CFAP95: variants seen among roughly 807,000 people sequenced by gnomAD.
The protein encoded by CFAP95 is cilia and flagella associated protein 95, also known as cilia- and flagella-associated protein 95.
the CFAP95 span, among the ~76,000 whole-genome samples, chr9:69,891,384 G>A: frequency 0.38 from 57,781 of 151,860 alleles, 11,731 homozygotes; most frequent in Middle Eastern, 0.65. Context: ...GACTTTCCTG[G>A]GCCCTAAGCA....
At chr9:69,843,517 TCCTCCTCCTCC>T in the CFAP95 span, among the ~76,000 whole-genome samples, 9 of 2,454 alleles carry the variant, frequency 3.7e-3, no homozygotes, top group Non-Finnish European at 5.4e-3. Flanking sequence ...CTCCTCCTCC[TCCTCCTCCTCC>T]TCCTCCTCCT....
chr9:69,847,845 A>G, the CFAP95 span, among the ~76,000 whole-genome samples: 1 of 152,208 alleles, frequency 6.6e-6, no homozygotes, highest in African/African-American at 2.4e-5. Flanking sequence ...TAATATGAGC[A>G]TCATTTATTT....
chr9:69,901,886 T>C, the CFAP95 span, among the ~76,000 whole-genome samples: 72,916 of 152,026 alleles, frequency 0.48, 19,857 homozygotes, highest in Non-Finnish European at 0.61. Context: ...CCATTCTAAC[T>C]GGTGTGAGAT....
At chr9:69,856,850 G>A in the CFAP95 span, among the ~76,000 whole-genome samples, 167 of 150,376 alleles carry the variant, frequency 1.1e-3, no homozygotes, top group African/African-American at 3.5e-3. Flanking sequence ...GTTTCTTTTC[G>A]TCAATTGTTT....
the CFAP95 span, among the ~76,000 whole-genome samples, chr9:69,879,939 A>G: frequency 1.3e-5 from 2 of 152,060 alleles, no homozygotes; most frequent in Non-Finnish European, 2.9e-5. Flanking sequence ...GGTCTCTCAC[A>G]TCACACTGTA....
At chr9:69,835,908 C>A in the CFAP95 span, among the ~76,000 whole-genome samples, 1 of 152,144 alleles carries the variant, frequency 6.6e-6, no homozygotes, top group East Asian at 1.9e-4. Flanking sequence ...AAGAAGAATC[C>A]TACGACCTAA....
the CFAP95 span, among the ~76,000 whole-genome samples, chr9:69,895,367 C>CTGTGTG: frequency 1.0e-3 from 116 of 111,276 alleles, no homozygotes; most frequent in South Asian, 2.6e-3. Flanking sequence ...CTCTCTCTCT[C>CTGTGTG]TCTGTGTGTG....
the CFAP95 span, among the ~76,000 whole-genome samples, chr9:69,887,557 A>G: frequency 6.6e-6 from 1 of 152,244 alleles, no homozygotes; most frequent in African/African-American, 2.4e-5. Flanking sequence ...AATAAATTAT[A>G]AAAGAAAAAA....
At chr9:69,836,842 C>T in the CFAP95 span, among the ~76,000 whole-genome samples, 2 of 150,562 alleles carry the variant, frequency 1.3e-5, no homozygotes, top group African/African-American at 4.9e-5. Flanking sequence ...AACTCGTCAT[C>T]TAGCATTAGG....
the CFAP95 span, among the ~76,000 whole-genome samples, chr9:69,878,231 T>A: frequency 2.0e-5 from 3 of 152,230 alleles, no homozygotes; most frequent in Non-Finnish European, 4.4e-5. Flanking sequence ...ACCTTCTAGT[T>A]GTACTGCTCC....
At chr9:69,888,488 T>C in the CFAP95 span, among the ~76,000 whole-genome samples, 2 of 152,090 alleles carry the variant, frequency 1.3e-5, no homozygotes, top group Non-Finnish European at 2.9e-5. Context: ...AACTAGTAAA[T>C]ATAGGGAACA....
At chr9:69,857,897 A>G in the CFAP95 span, 16 of 1,611,576 alleles carry the variant, frequency 9.9e-6, no homozygotes, top group African/African-American at 1.1e-4. Flanking sequence ...AAAAAATGTT[A>G]TCTTGTTTTA....
the CFAP95 span, among the ~76,000 whole-genome samples, chr9:69,834,930 C>T: frequency 1.3e-5 from 2 of 152,224 alleles, no homozygotes; most frequent in African/African-American, 4.8e-5. Flanking sequence ...CTTCATTTAT[C>T]AGTTTGAGGG....
chr9:69,829,092 C>T, the CFAP95 span, among the ~76,000 whole-genome samples: 1 of 152,144 alleles, frequency 6.6e-6, no homozygotes, highest in South Asian at 2.1e-4. Flanking sequence ...GGTTTAACCA[C>T]CCTTTCATTC....
the CFAP95 span, among the ~76,000 whole-genome samples, chr9:69,828,023 T>C: frequency 6.6e-6 from 1 of 152,224 alleles, no homozygotes; most frequent in Admixed American, 6.5e-5. Flanking sequence ...CTTCAGAAGA[T>C]AAATTACAAA....
chr9:69,843,595 T>G, the CFAP95 span, among the ~76,000 whole-genome samples: 7 of 73,038 alleles, frequency 9.6e-5, no homozygotes, highest in South Asian at 1.8e-3. Flanking sequence ...CTTCTTCTTC[T>G]TCTTCTTCTT....
chr9:69,846,124 T>C, the CFAP95 span, among the ~76,000 whole-genome samples: 1 of 152,212 alleles, frequency 6.6e-6, no homozygotes, highest in Non-Finnish European at 1.5e-5. Flanking sequence ...GATTTCTATA[T>C]TAAAGATGTT....
At chr9:69,854,339 C>T in the CFAP95 span, among the ~76,000 whole-genome samples, 1 of 152,120 alleles carries the variant, frequency 6.6e-6, no homozygotes, top group Non-Finnish European at 1.5e-5. Context: ...TACCATTATC[C>T]CCATGATTTA....
chr9:69,903,205 T>A, the CFAP95 span, among the ~76,000 whole-genome samples: 1 of 152,342 alleles, frequency 6.6e-6, no homozygotes, highest in South Asian at 2.1e-4. Flanking sequence ...CTGGGATAGA[T>A]GCTTCTTCAT....
Sources: gnomAD v4.1 joint callset for allele counts (sites outside exome capture counted in the v4.1 genomes callset) on GRCh38, gnomAD v4.1.1 for gene constraint, MANE v1.5 for transcripts, NCBI Gene and HGNC (gene_info 2026-07-23, HGNC 2026-07-21) for gene names.